Variants in LINGO2 observed in about 807,000 individuals in gnomAD.
The protein encoded by LINGO2 is leucine-rich repeat and immunoglobulin-like domain-containing nogo receptor-interacting protein 2.
In LINGO2, 14 loss-of-function variants were observed where a neutral mutation model predicts 30.6. The observed-to-expected ratio is 0.46, with a 90% CI of 0.30 to 0.72. The LOEUF is 0.72. LINGO2 is among the 30% of genes least tolerant of loss of function. The pLI is 0.07. For synonymous variants in LINGO2, 317 were observed against 288.5 expected (o/e 1.10, Z -1.00); for missense variants, 729 against 751.7 (o/e 0.97, Z 0.35).
intron 5 of LINGO2, among the ~76,000 whole-genome samples, chr9:27,978,359 T>C (rs1196197930): frequency 1.3e-5 from 2 of 152,106 alleles, no homozygotes; most frequent in African/African-American, 4.8e-5. Flanking sequence ...AGAGAATGTT[T>C]GCATTACTGC....
At chr9:28,772,441 G>A in the LINGO2 span, among the ~76,000 whole-genome samples, 1 of 152,156 alleles carries the variant, frequency 6.6e-6, no homozygotes, top group Non-Finnish European at 1.5e-5. Flanking sequence ...CCAGTTGCAT[G>A]TACATAACAG....
chr9:29,199,173 G>C, the LINGO2 span, among the ~76,000 whole-genome samples: 1 of 152,014 alleles, frequency 6.6e-6, no homozygotes, highest in Admixed American at 6.6e-5. Context: ...GTGTCTAAAG[G>C]AAAAGAAAGA....
chr9:28,819,140 C>T, the LINGO2 span, among the ~76,000 whole-genome samples: 1 of 152,136 alleles, frequency 6.6e-6, no homozygotes, highest in Admixed American at 6.5e-5. Context: ...TCAGTCTTAT[C>T]CATCAGAGCT....
the LINGO2 span, among the ~76,000 whole-genome samples, chr9:28,962,800 C>T: frequency 1.3e-5 from 2 of 151,500 alleles, no homozygotes; most frequent in Non-Finnish European, 1.5e-5. Context: ...TTTAATTTTA[C>T]ATCTTATCTT....
chr9:28,893,817 T>C, the LINGO2 span, among the ~76,000 whole-genome samples: 1 of 151,906 alleles, frequency 6.6e-6, no homozygotes, highest in African/African-American at 2.4e-5. Context: ...TAGTTAAATA[T>C]GTATATATGT....
chr9:28,998,356 A>C, the LINGO2 span, among the ~76,000 whole-genome samples: 1 of 152,166 alleles, frequency 6.6e-6, no homozygotes, highest in Admixed American at 6.5e-5. Flanking sequence ...AGGAGAGTGA[A>C]GTTGAGATCT....
At chr9:28,621,997 G>A (rs1038336304) in intron 1 of LINGO2, among the ~76,000 whole-genome samples, 7 of 151,898 alleles carry the variant, frequency 4.6e-5, no homozygotes, top group Non-Finnish European at 8.8e-5. Context: ...TAGTTATTCC[G>A]TTACTAGGAA....
the LINGO2 span, among the ~76,000 whole-genome samples, chr9:28,902,960 C>T: frequency 6.7e-6 from 1 of 149,368 alleles, no homozygotes; most frequent in Admixed American, 6.6e-5. Context: ...TGTTATATAC[C>T]AAGGAACTTG....
At chr9:28,659,628 T>C (rs1398235622) in intron 1 of LINGO2, among the ~76,000 whole-genome samples, 1 of 152,008 alleles carries the variant, frequency 6.6e-6, no homozygotes, top group East Asian at 1.9e-4. Context: ...TTTGTATTTT[T>C]TGTAGATACA....
At position 28,393,612 on chromosome 9, in the gene LINGO2, G is replaced by A. The variant is rs548050322; in HGVS notation, c.-278-20744C>T. 4.6e-5 allele frequency among the ~76,000 whole-genome samples: 7 copies of A among 152,248 alleles called. No homozygotes were observed. The East Asian group carries it at 1.4e-3, about 29-fold the overall frequency. ...TATCCTTAAGATGGAGACGAGGGAT[G>A]GGTAACAAGAGGTAGATAAATAGCG... is the stretch of plus-strand genomic sequence containing the variant. On this transcript the variant is annotated intron_variant, in intron 2 of 5. Coordinates refer to ENST00000379992, the Ensembl canonical transcript of LINGO2.
chr9:28,353,898 C>G (rs1220644992), intron 3 of LINGO2, among the ~76,000 whole-genome samples: 1 of 152,016 alleles, frequency 6.6e-6, no homozygotes, highest in Admixed American at 6.6e-5. Context: ...TAAACTATCG[C>G]AAGAACAAAA....
At chr9:28,879,448 A>T in the LINGO2 span, among the ~76,000 whole-genome samples, 201 of 152,284 alleles carry the variant, frequency 1.3e-3, no homozygotes, top group African/African-American at 4.6e-3. Flanking sequence ...AATGACACAA[A>T]ACACCTCATT....
chr9:28,376,832 A>G (rs554251933), intron 2 of LINGO2, among the ~76,000 whole-genome samples: 8 of 152,272 alleles, frequency 5.3e-5, no homozygotes, highest in African/African-American at 1.9e-4. Flanking sequence ...TCTGAAATCC[A>G]TATCCTTTCC....
intron 4 of LINGO2, among the ~76,000 whole-genome samples, chr9:28,160,626 T>C (rs1828259431): frequency 6.6e-6 from 1 of 152,212 alleles, no homozygotes; most frequent in Admixed American, 6.5e-5. Flanking sequence ...ATGTGCATTG[T>C]TAACTACTTC....
At chr9:28,832,807 C>A in the LINGO2 span, among the ~76,000 whole-genome samples, 1 of 152,144 alleles carries the variant, frequency 6.6e-6, no homozygotes, top group Non-Finnish European at 1.5e-5. Flanking sequence ...TCAAAAGGCA[C>A]TTCCTGAGTC....
chr9:29,183,446 C>G, the LINGO2 span, among the ~76,000 whole-genome samples: 2 of 152,106 alleles, frequency 1.3e-5, no homozygotes, highest in Non-Finnish European at 2.9e-5. Flanking sequence ...TCCACAGTAC[C>G]TTCAACTTTA....
chr9:29,143,610 C>A, the LINGO2 span, among the ~76,000 whole-genome samples: 1 of 151,862 alleles, frequency 6.6e-6, no homozygotes. Flanking sequence ...TATCTGCAAA[C>A]AAAAGAATGA....
chr9:28,925,334 T>C, the LINGO2 span, among the ~76,000 whole-genome samples: 1 of 152,156 alleles, frequency 6.6e-6, no homozygotes, highest in Non-Finnish European at 1.5e-5. Flanking sequence ...ACTACATGAC[T>C]AACGATAGGA....
At chr9:28,229,425 G>C (rs1320159336) in intron 4 of LINGO2, among the ~76,000 whole-genome samples, 1 of 151,578 alleles carries the variant, frequency 6.6e-6, no homozygotes, top group Non-Finnish European at 1.5e-5. Context: ...AAGAAAATAA[G>C]TTAATAGTAG....
Sources: gnomAD v4.1 joint callset for allele counts (sites outside exome capture counted in the v4.1 genomes callset) on GRCh38, gnomAD v4.1.1 for gene constraint, MANE v1.5 for transcripts, NCBI Gene and HGNC (gene_info 2026-07-23, HGNC 2026-07-21) for gene names.